ARHGAP17: variants seen among roughly 807,000 people sequenced by gnomAD.
ARHGAP17 encodes Rho GTPase activating protein 17, also known as rho GTPase-activating protein 17.
In ARHGAP17, 57 loss-of-function variants were observed where a neutral mutation model predicts 99.5. The ratio of observed to expected loss-of-function variants is 0.57; its 90% CI spans 0.46 to 0.71. The LOEUF (loss-of-function observed/expected upper bound fraction) is 0.71. Ranked by LOEUF, ARHGAP17 falls within the 30% of genes least tolerant of loss-of-function variation. The probability of loss-of-function intolerance (pLI) is 0.00; values close to 1 mark genes in which losing one functional copy is unlikely to be tolerated. For missense variants in ARHGAP17, 1,000 were observed against 1,122.4 expected (o/e 0.89, Z 1.56); for synonymous variants, 417 against 429.6 (o/e 0.97, Z 0.36).
intron 1 of ARHGAP17, among the ~76,000 whole-genome samples, chr16:24,995,194 G>C (rs537124007): frequency 1.3e-5 from 2 of 152,180 alleles, no homozygotes; most frequent in African/African-American, 4.8e-5. Context: ...GGGATTATGG[G>C]AACTACAATT....
At chr16:24,973,063 G>A (rs1435262719) in intron 3 of ARHGAP17, among the ~76,000 whole-genome samples, 1 of 151,900 alleles carries the variant, frequency 6.6e-6, no homozygotes, top group Non-Finnish European at 1.5e-5. Context: ...ATCGACTCCT[G>A]AGCTCAAGCA....
intron 1 of ARHGAP17, among the ~76,000 whole-genome samples, chr16:25,006,905 G>C (rs1009975375): frequency 6.6e-6 from 1 of 152,202 alleles, no homozygotes; most frequent in Non-Finnish European, 1.5e-5. Flanking sequence ...CCCAGGGCTG[G>C]AGGCATAAAA....
At chr16:24,952,665 G>A (rs2051678530) in intron 11 of ARHGAP17, among the ~76,000 whole-genome samples, 1 of 152,100 alleles carries the variant, frequency 6.6e-6, no homozygotes, top group East Asian at 1.9e-4. Context: ...TGTGAAAGAT[G>A]GGAAGAAAAT....
rs1480549801 is a variant in ARHGAP17, at chr16:24,953,025, C to T, written c.870G>A (p.Gly290=). 1.2e-6 allele frequency: 2 copies of T among 1,614,174 alleles called. No individual in the cohort carries two copies. The highest frequency in any genetic ancestry group is 1.3e-5 in the African/African-American group (1 of 75,050). ...GMKEEGLFRI[G]AGASKLKKLK... Reference sequence around the variant, plus strand: ...GCTTCTTTAACTTGGAGGCCCCAGCCCCAATTCGGAAAAGGCCCTAAAGAT... The same window carrying T: ...GCTTCTTTAACTTGGAGGCCCCAGCTCCAATTCGGAAAAGGCCCTAAAGAT... Residue 290 remains glycine, a synonymous_variant, in exon 11 of 20, where the codon GGG becomes GGA. Coordinates refer to ENST00000289968, the MANE Select transcript of ARHGAP17 (RefSeq NM_001006634.3).
intron 4 of ARHGAP17, 39 bp from the exon 5 acceptor site, chr16:24,968,811 T>C (rs2052274091): frequency 1.9e-6 from 3 of 1,596,766 alleles, no homozygotes; most frequent in Non-Finnish European, 2.6e-6. Flanking sequence ...CACGTGCTCA[T>C]TAAATCAGGC....
chr16:24,959,436 T>G (rs2051915830), intron 9 of ARHGAP17, among the ~76,000 whole-genome samples: 1 of 152,258 alleles, frequency 6.6e-6, no homozygotes, highest in Admixed American at 6.5e-5. Context: ...GCCAGCTTTC[T>G]CTTCAACTGA....
At chr16:24,954,441 T>C (rs558714742) in intron 10 of ARHGAP17, among the ~76,000 whole-genome samples, 162 bp downstream of exon 10, 11 of 152,354 alleles carry the variant, frequency 7.2e-5, no homozygotes, top group Admixed American at 7.2e-4. Context: ...ATTTAAAATA[T>C]GGATCATGGT....
At position 24,942,041 on chromosome 16, in the gene ARHGAP17, C is replaced by T; in HGVS notation, c.1436G>A (p.Arg479Lys). 6.2e-7 allele frequency: 1 copy of T among 1,614,144 alleles called. No homozygotes were observed. Among genetic ancestry groups the T allele is most frequent in the Non-Finnish European group, 8.5e-7 (1 of 1,179,984 alleles). ...CACCGCCATGCTAGCAGGCCGCTTCCTCTCCAGGGTCCCCGAGTCAGAGTC... is the reference window on the plus strand; with the variant it reads ...CACCGCCATGCTAGCAGGCCGCTTCTTCTCCAGGGTCCCCGAGTCAGAGTC... ...GNDSDSGTLERKRPASMAVME... is the reference protein window; with the variant it reads ...GNDSDSGTLEKKRPASMAVME... Residue 479 changes from arginine (R) to lysine (K), a missense_variant, in exon 16 of 20, where the codon AGG becomes AAG. Physicochemically the swap from Arg to Lys is conservative, Grantham distance 26. Transcript: ENST00000289968.
At chr16:24,939,754 A>G (rs897507602) in intron 16 of ARHGAP17, 157 bp from the exon 17 acceptor site, 2 of 721,904 alleles carry the variant, frequency 2.8e-6, no homozygotes, top group African/African-American at 1.7e-5. Flanking sequence ...GCCACCCCTG[A>G]GCAACTCCAC....
chr16:24,970,222 T>C (rs1156754660), intron 4 of ARHGAP17, among the ~76,000 whole-genome samples: 8 of 152,216 alleles, frequency 5.3e-5, no homozygotes, highest in Non-Finnish European at 7.3e-5. Context: ...CCACATTCTT[T>C]CTGTCCAAGA....
intron 1 of ARHGAP17, among the ~76,000 whole-genome samples, chr16:25,006,703 G>A (rs1208576214): frequency 6.6e-6 from 1 of 152,164 alleles, no homozygotes; most frequent in East Asian, 1.9e-4. Context: ...CTGTGTTCCA[G>A]TAAACTTTTT....
chr16:24,924,063 GAAA>G (rs1433368567), intron 19 of ARHGAP17, among the ~76,000 whole-genome samples: 2 of 152,180 alleles, frequency 1.3e-5, no homozygotes, highest in Non-Finnish European at 2.9e-5. Flanking sequence ...ATATGCCCTT[GAAA>G]GTAAGTGGTG....
intron 1 of ARHGAP17, among the ~76,000 whole-genome samples, chr16:25,012,600 A>G (rs1162123967): frequency 1.3e-5 from 2 of 152,234 alleles, no homozygotes; most frequent in Non-Finnish European, 2.9e-5. Context: ...ACTTCCAAGC[A>G]GTAACAATTC....
rs1267923216 is a variant in ARHGAP17 at position 24,982,984 on chromosome 16, ATATATATATATATTTTTTTTTTTT to A, written c.54-4003_54-3980del. Among the ~76,000 whole-genome samples, 3 of 28,014 alleles carry A rather than the reference ATATATATATATATTTTTTTTTTTT, an allele frequency of 1.1e-4. No homozygotes were observed. In the South Asian group the frequency reaches 3.5e-3, roughly 33 times the overall value. 18.4% of individuals were successfully genotyped at this position (28,014 alleles called of 152,430 possible). On this transcript the variant is annotated intron_variant, in intron 1 of 19. Coordinates refer to ENST00000289968, the MANE Select transcript of ARHGAP17 (RefSeq NM_001006634.3). ...ATAAATCATATATATATATATATAT[ATATATATATATATTTTTTTTTTTT>A]TTTTTTTTTTTTTTGAGACAGGGTC...
rs1021558265 is a variant in ARHGAP17, at chr16:24,966,210, G to A, written c.462-1902C>T. Among the ~76,000 whole-genome samples, 10 of 152,270 alleles carry A rather than the reference G, an allele frequency of 6.6e-5. No individual in the cohort carries two copies. In the East Asian group the frequency reaches 1.4e-3, roughly 21 times the overall value. On this transcript the variant is annotated intron_variant, in intron 6 of 19. Coordinates refer to ENST00000289968, the MANE Select transcript of ARHGAP17 (RefSeq NM_001006634.3). Reference sequence around the variant, plus strand: ...CAGCTACACAGGATTCCAATCACACGTACAGGCCAGGTGTGATGACTCACA... The same window carrying A: ...CAGCTACACAGGATTCCAATCACACATACAGGCCAGGTGTGATGACTCACA...
In ARHGAP17 at chr16:24,954,600, C is replaced by T; in HGVS notation, c.852+3G>A. The T allele has an allele frequency of 6.2e-7, 1 of 1,612,688 alleles. No homozygotes were observed. Among genetic ancestry groups the T allele is most frequent in the Non-Finnish European group, 8.5e-7 (1 of 1,179,264 alleles). On this transcript the variant is annotated splice_donor_region_variant and intron_variant, in intron 10 of 19. Coordinates refer to ENST00000289968, the MANE Select transcript of ARHGAP17 (RefSeq NM_001006634.3). ...GTGCACAGGATCACGAAGCTCCCCTCACCTCCTCCTTCATGCCTGTCTCCA... is the reference window on the plus strand; with the variant it reads ...GTGCACAGGATCACGAAGCTCCCCTTACCTCCTCCTTCATGCCTGTCTCCA...
At chr16:24,995,561 C>T (rs2053168823) in intron 1 of ARHGAP17, among the ~76,000 whole-genome samples, 1 of 152,182 alleles carries the variant, frequency 6.6e-6, no homozygotes, top group African/African-American at 2.4e-5. Flanking sequence ...AACTTATTTG[C>T]TGAATACATA....
At chr16:24,926,123 A>G (rs535984103) in intron 19 of ARHGAP17, among the ~76,000 whole-genome samples, 32 of 137,980 alleles carry the variant, frequency 2.3e-4, no homozygotes, top group African/African-American at 1.1e-3. Context: ...AAAAAAAAAG[A>G]AAAGAAAAGA....
At chr16:24,978,869 A>T in intron 2 of ARHGAP17, 97 bp downstream of exon 2, 9 of 373,348 alleles carry the variant, frequency 2.4e-5, no homozygotes, top group Non-Finnish European at 3.6e-5. Flanking sequence ...TTCTGGTTAA[A>T]AAAAAAAAAA....
Sources: gnomAD v4.1 joint callset for allele counts (sites outside exome capture counted in the v4.1 genomes callset) on GRCh38, gnomAD v4.1.1 for gene constraint, MANE v1.5 for transcripts, NCBI Gene and HGNC (gene_info 2026-07-23, HGNC 2026-07-21) for gene names.